Variants in MISP observed in about 807,000 individuals in gnomAD.
MISP encodes mitotic spindle positioning.
In MISP, 51 loss-of-function variants were observed where a neutral mutation model predicts 49.3. The observed-to-expected ratio is 1.03, with a 90% CI of 0.83 to 1.31. The LOEUF (loss-of-function observed/expected upper bound fraction) is 1.31, where lower values mean the gene tolerates loss of function less well. Ranked by LOEUF, MISP falls within the 50% of genes most tolerant of loss-of-function variation. MISP has a pLI of 0.00. For synonymous variants in MISP, 444 were observed against 392.6 expected, an observed-to-expected ratio of 1.13 and a Z score of -1.55; for missense variants, 1,084 against 935.1, an observed-to-expected ratio of 1.16 and a Z score of -2.08.
chr19:755,692 G>A (rs1021702050), intron 1 of MISP, among the ~76,000 whole-genome samples: 10 of 152,180 alleles, frequency 6.6e-5, no homozygotes, highest in African/African-American at 2.4e-4. Flanking sequence ...AGCACTTTGG[G>A]AGGCCGAGGC....
In MISP at chr19:763,658, A is replaced by G. The variant is rs1393520928; in HGVS notation, c.*68A>G. 1 of 1,160,502 alleles carries G rather than the reference A, an allele frequency of 8.6e-7. No individual in the cohort carries two copies. Among genetic ancestry groups the G allele is most frequent in the East Asian group, 2.4e-5 (1 of 40,898 alleles). 71.9% of individuals were successfully genotyped at this position (1,160,502 alleles called of 1,614,324 possible). On this transcript the variant is annotated 3_prime_UTR_variant, in exon 5 of 5. Transcript: ENST00000215582. Reference sequence around the variant, plus strand: ...CGTGGGAACTGCCAAGACCATCGCCAAGCCCCCACCCTAGGAAATGGGTCC... The same window carrying G: ...CGTGGGAACTGCCAAGACCATCGCCGAGCCCCCACCCTAGGAAATGGGTCC...
In MISP at chr19:759,780, A is replaced by AAC. The variant is rs1257734739; in HGVS notation, c.1781-129_1781-128insAC. 1.4e-5 allele frequency: 15 copies of AAC among 1,058,752 alleles called. No homozygotes were observed. In the African/African-American group the frequency reaches 2.4e-4, roughly 17 times the overall value. The allele number at this position is 1,058,752 out of a possible 1,614,324, so 65.6% of individuals were successfully genotyped here. A position where few individuals can be genotyped will look rare whatever the true frequency, so the allele number is the denominator to read the frequency against. On this transcript the variant is annotated intron_variant, in intron 2 of 4. Coordinates refer to ENST00000215582, the MANE Select transcript of MISP (RefSeq NM_173481.4). The stretch of plus-strand genomic sequence containing the variant: ...GACTGGCTACTTTGGTCAATCTGTC[A>AAC]GTTTCCCGGATAGTCATCTGCTCTG...
In MISP at chr19:758,469, C is replaced by G; in HGVS notation, c.1523C>G (p.Pro508Arg). The G allele has an allele frequency of 6.2e-7, 1 of 1,614,156 alleles. No individual in the cohort carries two copies. Among genetic ancestry groups the G allele is most frequent in the Non-Finnish European group, 8.5e-7 (1 of 1,180,016 alleles). The change falls in exon 2 of 5, where the codon CCT (proline) becomes CGT (arginine). Residue 508 changes from proline (P) to arginine (R), a missense_variant. Pro to Arg is a moderately radical substitution (Grantham distance 103). Coordinates refer to ENST00000215582, the MANE Select transcript of MISP (RefSeq NM_173481.4). Reference sequence around the variant, plus strand: ...CGGTGGGAGTACTTCCGCCTGCGTCCTCTGCGGTTCAGGGCCCCAGACGAG... The same window carrying G: ...CGGTGGGAGTACTTCCGCCTGCGTCGTCTGCGGTTCAGGGCCCCAGACGAG... The part of the protein sequence containing the change: ...VVRWEYFRLR[P>R]LRFRAPDEPQ...
In MISP at chr19:756,961, C is replaced by A; in HGVS notation, c.15C>A (p.Thr5=). The change falls in exon 2 of 5, where the codon ACC becomes ACA. Residue 5 remains threonine, a synonymous_variant. Coordinates refer to ENST00000215582, the MANE Select transcript of MISP (RefSeq NM_173481.4). ...CCCCGGAAGAGATGGACCGCGTGAC[C>A]AGATACCCCATCCTGGGCATCCCTC... MDRV[T]RYPILGIPQA... The A allele has an allele frequency of 6.4e-7, 1 of 1,572,360 alleles. No homozygotes were observed. The highest frequency in any genetic ancestry group is 1.8e-5 in the Admixed American group (1 of 55,780).
rs933396900 is a variant in MISP at position 756,953 on chromosome 19, C to T, written c.7C>T (p.Arg3Cys). 38 of 1,555,944 alleles carry T rather than the reference C, an allele frequency of 2.4e-5. No homozygotes were observed. Among genetic ancestry groups the T allele is most frequent in the Non-Finnish European group, 3.0e-5 (34 of 1,146,692 alleles). MDRVTRYPILGIP... is the reference protein window; with the variant it reads MDCVTRYPILGIP... ...GGCCAAGACCCCGGAAGAGATGGACCGCGTGACCAGATACCCCATCCTGGG... is the reference window on the plus strand; with the variant it reads ...GGCCAAGACCCCGGAAGAGATGGACTGCGTGACCAGATACCCCATCCTGGG... The change falls in exon 2 of 5, where the codon CGC becomes TGC. Residue 3 changes from arginine (R) to cysteine (C), a missense_variant. Coordinates refer to ENST00000215582, the MANE Select transcript of MISP (RefSeq NM_173481.4).
At position 758,581 on chromosome 19, in the gene MISP, T is replaced by C. The variant is rs768095463; in HGVS notation, c.1635T>C (p.Asp545=). 5.6e-6 allele frequency: 9 copies of C among 1,614,084 alleles called. No homozygotes were observed. The highest frequency in any genetic ancestry group is 7.6e-6 in the Non-Finnish European group (9 of 1,180,054). The stretch of plus-strand genomic sequence containing the variant: ...GGCTGCAGAAGTCCCAGTCATCTGA[T>C]CTGCTGGAAAGGGAGAGGGAGAGTG... ...ALRLQKSQSS[D]LLERERESVL... is the part of the protein sequence containing the mutation. The change falls in exon 2 of 5, where the codon GAT becomes GAC. Residue 545 remains aspartate, a synonymous_variant. Coordinates refer to ENST00000215582, the MANE Select transcript of MISP (RefSeq NM_173481.4).
rs185675116 is a variant in MISP at position 758,269 on chromosome 19, C to T, written c.1323C>T (p.Phe441=). ...CCCCCCAGCTAGAATTCTCAGCCTT[C>T]GGAGCATTCGGCAAGCCCAGCAGTC... ...PGTPQLEFSA[F]GAFGKPSSLS... The change falls in exon 2 of 5, where the codon TTC becomes TTT. Residue 441 remains phenylalanine (F), a synonymous_variant. Transcript: ENST00000215582. 5.0e-5 allele frequency: 80 copies of T among 1,613,856 alleles called. No homozygotes were observed. In the Middle Eastern group the frequency reaches 6.6e-4, roughly 13 times the overall value.
rs558937718 is a variant in MISP at position 763,655 on chromosome 19, G to T, written c.*65G>T. 1.1e-5 allele frequency: 13 copies of T among 1,192,686 alleles called. No individual in the cohort carries two copies. The East Asian group carries it at 3.2e-4, about 29-fold the overall frequency. The allele number at this position is 1,192,686 out of a possible 1,614,324, so 73.9% of individuals were successfully genotyped here. ...CCTCGTGGGAACTGCCAAGACCATCGCCAAGCCCCCACCCTAGGAAATGGG... is the reference window on the plus strand; with the variant it reads ...CCTCGTGGGAACTGCCAAGACCATCTCCAAGCCCCCACCCTAGGAAATGGG... On this transcript the variant is annotated 3_prime_UTR_variant, in exon 5 of 5. Transcript: ENST00000215582.
chr19:760,385 A>C (rs1428096020), intron 3 of MISP: 1 of 125,366 alleles, frequency 8.0e-6, no homozygotes, highest in East Asian at 2.8e-4. Context: ...TTTTTTTTTG[A>C]GACGGAGTCT....
chr19:755,300 C>T (rs909700877), intron 1 of MISP, among the ~76,000 whole-genome samples: 14 of 152,224 alleles, frequency 9.2e-5, no homozygotes, highest in African/African-American at 3.4e-4. Flanking sequence ...CTCCACGGCC[C>T]CACCTGGGCC....
upstream of MISP, among the ~76,000 whole-genome samples, chr19:750,052 C>A (rs1417532120): frequency 6.6e-6 from 1 of 152,108 alleles, no homozygotes; most frequent in Non-Finnish European, 1.5e-5. Flanking sequence ...GACTTCCCCA[C>A]AGATGCTGGG....
intron 1 of MISP, among the ~76,000 whole-genome samples, chr19:754,551 C>T (rs112178029): frequency 0.019 from 2,945 of 152,268 alleles, 32 homozygotes; most frequent in Non-Finnish European, 0.025. Flanking sequence ...TGCTTGAACC[C>T]GGGAGGTGGA....
intron 1 of MISP, among the ~76,000 whole-genome samples, chr19:753,535 G>A (rs989936257): frequency 3.3e-5 from 5 of 151,552 alleles, no homozygotes; most frequent in African/African-American, 7.3e-5. Flanking sequence ...ACAGGCGCCC[G>A]CCAGCACACC....
At chr19:761,990 C>T (rs2033679910) in intron 4 of MISP, among the ~76,000 whole-genome samples, 1 of 152,128 alleles carries the variant, frequency 6.6e-6, no homozygotes, top group Non-Finnish European at 1.5e-5. Flanking sequence ...CTCTGTCGCC[C>T]AGGCTGGAGT....
At position 758,339 on chromosome 19, in the gene MISP, A is replaced by G; in HGVS notation, c.1393A>G (p.Met465Val). The G allele has an allele frequency of 3.7e-6, 6 of 1,614,162 alleles. No individual in the cohort carries two copies. Among genetic ancestry groups the G allele is most frequent in the Non-Finnish European group, 5.1e-6 (6 of 1,180,042 alleles). Residue 465 changes from methionine (M) to valine (V), a missense_variant, in exon 2 of 5, where the codon ATG becomes GTG. Transcript: ENST00000215582. ...AKAATSPKAT[M>V]SPRHLSESSG... Reference sequence around the variant, plus strand: ...GGCTGCGACTTCACCAAAGGCCACGATGTCCCCGAGGCATCTCTCAGAATC... The same window carrying G: ...GGCTGCGACTTCACCAAAGGCCACGGTGTCCCCGAGGCATCTCTCAGAATC...
upstream of MISP, among the ~76,000 whole-genome samples, chr19:748,970 C>G (rs370931478): frequency 6.6e-6 from 1 of 152,210 alleles, no homozygotes; most frequent in Admixed American, 6.5e-5. Context: ...AACCCTGTCT[C>G]TACTAAAAAT....
At chr19:755,592 C>T (rs2033537557) in intron 1 of MISP, among the ~76,000 whole-genome samples, 1 of 152,146 alleles carries the variant, frequency 6.6e-6, no homozygotes, top group Admixed American at 6.6e-5. Context: ...AGGCTCAGTG[C>T]ACAGGAGACA....
In MISP at chr19:757,635, C is replaced by G; in HGVS notation, c.689C>G (p.Ala230Gly). The change falls in exon 2 of 5, where the codon GCC becomes GGC. Residue 230 changes from alanine to glycine, a missense_variant. Transcript: ENST00000215582. ...GGCACAACCCCAGGGGCCAGCCAGG[C>G]CCCCAAGGCCTTCAACAAGCCCCAC... ...PAGTTPGASQ[A>G]PKAFNKPHLA... The G allele has an allele frequency of 6.2e-7, 1 of 1,612,640 alleles. No homozygotes were observed. The highest frequency in any genetic ancestry group is 1.1e-5 in the South Asian group (1 of 90,936).
At chr19:748,522 G>A (rs895926701), upstream of MISP, among the ~76,000 whole-genome samples, 1 of 152,148 alleles carries the variant, frequency 6.6e-6, no homozygotes, top group East Asian at 1.9e-4. Flanking sequence ...TGCAGGTAAG[G>A]CCTGGCTGTA....
Sources: gnomAD v4.1 joint callset for allele counts (sites outside exome capture counted in the v4.1 genomes callset) on GRCh38, gnomAD v4.1.1 for gene constraint, MANE v1.5 for transcripts, NCBI Gene and HGNC (gene_info 2026-07-23, HGNC 2026-07-21) for gene names.